The following ARHGAP26 variants were observed in gnomAD, a reference collection of about 807,000 sequenced individuals.
The protein encoded by ARHGAP26 is rho GTPase-activating protein 26.
ARHGAP26 carries 38 observed loss-of-function variants against 104.8 expected under a neutral mutation model. The ratio of observed to expected loss-of-function variants is 0.36; its 90% confidence interval spans 0.28 to 0.48. The LOEUF (loss-of-function observed/expected upper bound fraction) is 0.48. Ranked by LOEUF, ARHGAP26 falls within the 20% of genes least tolerant of loss-of-function variation. ARHGAP26 has a pLI of 0.99. For missense variants in ARHGAP26, 704 were observed against 947.9 expected (o/e 0.74, Z 3.38); for synonymous variants, 341 against 340.0 (o/e 1.00, Z -0.03).
chr5:142,996,425 G>T (rs1776400513), intron 11 of ARHGAP26, among the ~76,000 whole-genome samples: 1 of 152,088 alleles, frequency 6.6e-6, no homozygotes, highest in Admixed American at 6.5e-5. Context: ...CCTGGGAGGT[G>T]GAGGTTGCAG....
At chr5:143,082,009 C>CA (rs71576162) in intron 17 of ARHGAP26, among the ~76,000 whole-genome samples, 1,713 of 36,904 alleles carry the variant, frequency 0.046, 70 homozygotes, top group African/African-American at 0.081. Flanking sequence ...GACTCCATCT[C>CA]AAAAAAAAAA....
At chr5:142,919,277 C>T (rs200548350) in intron 10 of ARHGAP26, 10 of 398,418 alleles carry the variant, frequency 2.5e-5, no homozygotes, top group Admixed American at 1.3e-4. Flanking sequence ...AGGCAGAAGT[C>T]GAGGTGATGC....
chr5:142,812,068 T>A (rs1439525913), intron 1 of ARHGAP26, among the ~76,000 whole-genome samples: 1 of 152,148 alleles, frequency 6.6e-6, no homozygotes, highest in Non-Finnish European at 1.5e-5. Flanking sequence ...TTGGAAAGGA[T>A]CTTTTGTGAA....
At chr5:143,009,331 A>G (rs1000403303) in intron 11 of ARHGAP26, among the ~76,000 whole-genome samples, 1 of 152,146 alleles carries the variant, frequency 6.6e-6, no homozygotes, top group Non-Finnish European at 1.5e-5. Flanking sequence ...CATCATCGTC[A>G]TCACAATGAC....
chr5:142,838,314 G>A (rs1479090200), intron 1 of ARHGAP26, among the ~76,000 whole-genome samples: 1 of 151,878 alleles, frequency 6.6e-6, no homozygotes, highest in African/African-American at 2.4e-5. Flanking sequence ...AGTAATGTTT[G>A]TATGGTACCT....
intron 17 of ARHGAP26, among the ~76,000 whole-genome samples, chr5:143,082,490 G>A (rs2150452336): frequency 6.6e-6 from 1 of 152,316 alleles, no homozygotes; most frequent in Admixed American, 6.5e-5. Context: ...AGGTGCTTTA[G>A]ATATCTGGTA....
chr5:142,881,130 T>C (rs1367353301), intron 4 of ARHGAP26, among the ~76,000 whole-genome samples: 1 of 152,232 alleles, frequency 6.6e-6, no homozygotes, highest in Non-Finnish European at 1.5e-5. Flanking sequence ...CCCGCAGGGC[T>C]CCTCTTGGTG....
At chr5:142,817,887 G>A (rs1056207503) in intron 1 of ARHGAP26, among the ~76,000 whole-genome samples, 1 of 152,156 alleles carries the variant, frequency 6.6e-6, no homozygotes, top group Non-Finnish European at 1.5e-5. Flanking sequence ...AAATCTACTT[G>A]GAGTTTGGGG....
At chr5:142,862,135 C>G (rs1440981998) in intron 1 of ARHGAP26, among the ~76,000 whole-genome samples, 1 of 152,166 alleles carries the variant, frequency 6.6e-6, no homozygotes, top group East Asian at 1.9e-4. Context: ...AGCTAGAAAG[C>G]TCAGGGATTA....
At chr5:143,009,322 A>G (rs903596125) in intron 11 of ARHGAP26, among the ~76,000 whole-genome samples, 3 of 152,152 alleles carry the variant, frequency 2.0e-5, no homozygotes, top group African/African-American at 4.8e-5. Flanking sequence ...CGTCATTGTC[A>G]TCATCGTCAT....
intron 20 of ARHGAP26, among the ~76,000 whole-genome samples, chr5:143,185,358 A>G (rs2151215214): frequency 6.6e-6 from 1 of 152,352 alleles, no homozygotes; most frequent in African/African-American, 2.4e-5. Context: ...TTTTTTAACA[A>G]TAAGTATGAA....
Position 143,018,455 on chromosome 5 carries a change from A to T in ARHGAP26, c.1144+4339A>T, listed in dbSNP as rs539573813. On this transcript the variant is annotated intron_variant, in intron 12 of 22. Coordinates refer to ENST00000645722, the MANE Select transcript of ARHGAP26 (RefSeq NM_001135608.3). ...AAGATGTGTACCTATGTTTTCTTTT[A>T]TTGGCTTTATGAGTGTGTCTTGCAC... 6.6e-5 allele frequency among the ~76,000 whole-genome samples: 10 copies of T among 152,168 alleles called. No individual in the cohort carries two copies. The South Asian group carries it at 2.1e-3, about 32-fold the overall frequency.
chr5:142,958,384 TG>T (rs1769600203), intron 11 of ARHGAP26, among the ~76,000 whole-genome samples: 1 of 152,220 alleles, frequency 6.6e-6, no homozygotes, highest in Admixed American at 6.5e-5. Flanking sequence ...AAGCAGATTC[TG>T]GCCAGGCATA....
chr5:143,023,896 T>C (rs1247259919), intron 12 of ARHGAP26, among the ~76,000 whole-genome samples: 1 of 152,110 alleles, frequency 6.6e-6, no homozygotes, highest in Non-Finnish European at 1.5e-5. Flanking sequence ...CCTTTTTCTT[T>C]CCCCTTTCTC....
chr5:143,069,471 C>T (rs1055643981), intron 17 of ARHGAP26, among the ~76,000 whole-genome samples: 1 of 152,194 alleles, frequency 6.6e-6, no homozygotes, highest in African/African-American at 2.4e-5. Context: ...GAATCTGCTG[C>T]AGGTTAACAT....
Position 143,056,215 on chromosome 5 carries a change from C to T in ARHGAP26, c.1432+129C>T, listed in dbSNP as rs1025910504. On this transcript the variant is annotated intron_variant, in intron 16 of 22. Coordinates refer to ENST00000645722, the MANE Select transcript of ARHGAP26 (RefSeq NM_001135608.3). Reference sequence around the variant, plus strand: ...GCACATAAACTGGCCACATAACATACTCATGAGATTCTAACACGGAATAAA... The same window carrying T: ...GCACATAAACTGGCCACATAACATATTCATGAGATTCTAACACGGAATAAA... 1.8e-5 allele frequency: 12 copies of T among 684,348 alleles called. No homozygotes were observed. In the African/African-American group the frequency reaches 2.0e-4, roughly 11 times the overall value. 42.4% of individuals were successfully genotyped at this position (684,348 alleles called of 1,614,324 possible). A position where few individuals can be genotyped will look rare whatever the true frequency, so the allele number is the denominator to read the frequency against.
intron 11 of ARHGAP26, among the ~76,000 whole-genome samples, chr5:142,963,172 G>GTATATATATATATATATATA (rs58576577): frequency 6.7e-5 from 6 of 89,038 alleles, no homozygotes; most frequent in African/African-American, 9.5e-5. Context: ...TGGTATATAT[G>GTATATATATATATATATATA]TATATATATA....
At chr5:143,095,160 A>G (rs1316625044) in intron 17 of ARHGAP26, among the ~76,000 whole-genome samples, 4 of 150,202 alleles carry the variant, frequency 2.7e-5, no homozygotes, top group African/African-American at 9.7e-5. Flanking sequence ...ATATATTACT[A>G]TATAATATAT....
intron 20 of ARHGAP26, among the ~76,000 whole-genome samples, chr5:143,156,872 C>T (rs1236706207): frequency 6.6e-6 from 1 of 152,240 alleles, no homozygotes; most frequent in Non-Finnish European, 1.5e-5. Flanking sequence ...TCCATCTCCC[C>T]CCAAAAGCCC....
Sources: allele counts gnomAD v4.1 joint callset (sites outside exome capture counted in the v4.1 genomes callset), GRCh38; gene constraint gnomAD v4.1.1; transcripts MANE v1.5; gene names NCBI Gene and HGNC (gene_info 2026-07-23, HGNC 2026-07-21).